The following PLPPR1 variants were observed in gnomAD, a reference collection of about 807,000 sequenced individuals.
The protein encoded by PLPPR1 is phospholipid phosphatase related 1.
A neutral mutation model predicts 33.1 loss-of-function variants in PLPPR1; 10 were observed. The ratio of observed to expected loss-of-function variants is 0.30; its 90% CI spans 0.19 to 0.51. PLPPR1 has a LOEUF of 0.51. PLPPR1 is among the 20% of genes least tolerant of loss of function. The pLI is 0.97. For synonymous variants in PLPPR1, 151 were observed against 151.0 expected (o/e 1.00, Z 0.00); for missense variants, 304 against 408.1 (o/e 0.74, Z 2.20).
chr9:101,239,853 C>T (rs1349725030), intron 2 of PLPPR1, among the ~76,000 whole-genome samples: 1 of 152,010 alleles, frequency 6.6e-6, no homozygotes, highest in Non-Finnish European at 1.5e-5. Flanking sequence ...CAGGTTCTTC[C>T]TTCACACTGT....
At chr9:101,069,722 G>A (rs1291520648) in intron 1 of PLPPR1, among the ~76,000 whole-genome samples, 8 of 152,206 alleles carry the variant, frequency 5.3e-5, no homozygotes, top group Admixed American at 5.2e-4. Context: ...CAGCCCTCTG[G>A]ACTGGCAACA....
intron 3 of PLPPR1, among the ~76,000 whole-genome samples, chr9:101,283,581 CAT>C (rs746185052): frequency 1.3e-5 from 2 of 152,108 alleles, no homozygotes; most frequent in Non-Finnish European, 1.5e-5. Flanking sequence ...AGCTTCATGA[CAT>C]ATGTCTGGGC....
intron 4 of PLPPR1, 36 bp from the exon 5 acceptor site, chr9:101,309,175 T>C (rs762544015): frequency 2.5e-6 from 4 of 1,611,330 alleles, no homozygotes; most frequent in Admixed American, 1.7e-5. Flanking sequence ...TGACAGAGTA[T>C]GTTACCATTC....
intron 1 of PLPPR1, among the ~76,000 whole-genome samples, chr9:101,170,230 A>G (rs1259522382): frequency 6.6e-6 from 1 of 152,130 alleles, no homozygotes; most frequent in African/African-American, 2.4e-5. Flanking sequence ...TACACAATAC[A>G]TACTATATTA....
At chr9:101,136,670 A>G (rs1831381268) in intron 1 of PLPPR1, among the ~76,000 whole-genome samples, 1 of 152,162 alleles carries the variant, frequency 6.6e-6, no homozygotes, top group African/African-American at 2.4e-5. Context: ...TATGTACGGA[A>G]GCATGTTGTG....
intron 2 of PLPPR1, among the ~76,000 whole-genome samples, chr9:101,256,279 TTTAAAATA>T (rs1386424550): frequency 6.6e-6 from 1 of 152,136 alleles, no homozygotes; most frequent in Non-Finnish European, 1.5e-5. Context: ...GAGTTTAATT[TTTAAAATA>T]TTAGGTAGGT....
chr9:101,240,440 A>T (rs1026272105), intron 2 of PLPPR1, among the ~76,000 whole-genome samples: 1 of 149,976 alleles, frequency 6.7e-6, no homozygotes. Context: ...GAAGAATATC[A>T]TTGGCATTTT....
At chr9:101,237,700 T>C (rs918748000) in intron 2 of PLPPR1, among the ~76,000 whole-genome samples, 1 of 143,994 alleles carries the variant, frequency 6.9e-6, no homozygotes, top group Non-Finnish European at 1.5e-5. Flanking sequence ...AGCCTATATA[T>C]ATAGTCTATA....
chr9:101,253,221 G>A (rs910121586), intron 2 of PLPPR1, among the ~76,000 whole-genome samples: 2 of 151,718 alleles, frequency 1.3e-5, no homozygotes, highest in Non-Finnish European at 2.9e-5. Context: ...CAGCAATCAG[G>A]TGTCTTTTTT....
At chr9:101,033,798 T>C (rs59416689) in intron 1 of PLPPR1, among the ~76,000 whole-genome samples, 7,641 of 152,220 alleles carry the variant, frequency 0.05, 441 homozygotes, top group South Asian at 0.18. Flanking sequence ...CAGTAGCTTG[T>C]CCATAGCTAC....
At chr9:101,200,889 C>T (rs1455148133) in intron 2 of PLPPR1, among the ~76,000 whole-genome samples, 2 of 151,980 alleles carry the variant, frequency 1.3e-5, no homozygotes, top group African/African-American at 4.8e-5. Flanking sequence ...ACTCATTTTC[C>T]CTGGAACTAC....
At chr9:101,081,089 GC>G (rs1830612335) in intron 1 of PLPPR1, among the ~76,000 whole-genome samples, 2 of 152,030 alleles carry the variant, frequency 1.3e-5, no homozygotes, top group Non-Finnish European at 2.9e-5. Flanking sequence ...CCATTCTCTA[GC>G]CCCCAACATT....
intron 1 of PLPPR1, among the ~76,000 whole-genome samples, chr9:101,181,869 C>T (rs796396143): frequency 3.0e-5 from 4 of 135,566 alleles, no homozygotes; most frequent in East Asian, 2.5e-4. Flanking sequence ...TATATATATA[C>T]ACACACATAT....
chr9:101,246,099 TATATATATATAGATAG>T (rs1827604508), intron 2 of PLPPR1, among the ~76,000 whole-genome samples: 9 of 110,218 alleles, frequency 8.2e-5, no homozygotes, highest in African/African-American at 2.8e-4. Flanking sequence ...TATATATATA[TATATATATATAGATAG>T]ATAGATAGAT....
At chr9:101,223,751 C>T (rs1418944428) in intron 2 of PLPPR1, among the ~76,000 whole-genome samples, 1 of 152,018 alleles carries the variant, frequency 6.6e-6, no homozygotes, top group African/African-American at 2.4e-5. Context: ...TGAGGCCTCC[C>T]CAACCATGCA....
At chr9:101,317,071 GA>G (rs1363068772) in intron 6 of PLPPR1, among the ~76,000 whole-genome samples, 1 of 152,166 alleles carries the variant, frequency 6.6e-6, no homozygotes, top group Non-Finnish European at 1.5e-5. Context: ...CTATTATTAT[GA>G]GGTGGTTTGC....
intron 1 of PLPPR1, among the ~76,000 whole-genome samples, chr9:101,031,815 T>C (rs959774521): frequency 6.6e-6 from 1 of 151,498 alleles, no homozygotes; most frequent in Non-Finnish European, 1.5e-5. Context: ...TACTTGAGAG[T>C]GTCTGATAAA....
In PLPPR1 at chr9:101,169,268, G is replaced by T. The variant is rs114362999; in HGVS notation, c.-45-16182G>T. ...AGCATCCAAAACTCATTTTCTTTCAGCCTTTGATTTTATTGAAGGAAACAT... is the reference window on the plus strand; with the variant it reads ...AGCATCCAAAACTCATTTTCTTTCATCCTTTGATTTTATTGAAGGAAACAT... On this transcript the variant is annotated intron_variant, in intron 1 of 7. Coordinates refer to ENST00000374874, the MANE Select transcript of PLPPR1 (RefSeq NM_207299.2). Among the ~76,000 whole-genome samples, 708 of 152,110 alleles carry T rather than the reference G, an allele frequency of 4.7e-3. 10 individuals are homozygous for T. Among genetic ancestry groups the T allele is most frequent in the African/African-American group, 0.016 (677 of 41,498 alleles).
At chr9:101,277,804 A>G (rs1426725190) in intron 3 of PLPPR1, among the ~76,000 whole-genome samples, 1 of 152,210 alleles carries the variant, frequency 6.6e-6, no homozygotes. Flanking sequence ...GTTTCAACAC[A>G]CATTCTTGCC....
Sources: allele counts gnomAD v4.1 joint callset (sites outside exome capture counted in the v4.1 genomes callset), GRCh38; gene constraint gnomAD v4.1.1; transcripts MANE v1.5; gene names NCBI Gene and HGNC (gene_info 2026-07-23, HGNC 2026-07-21).